KIAA1217: variants seen among roughly 807,000 people sequenced by gnomAD.
KIAA1217 encodes KIAA1217, also known as sickle tail protein homolog.
A neutral mutation model predicts 163.9 loss-of-function variants in KIAA1217; 88 were observed. That is an observed-to-expected ratio of 0.54 (90% CI 0.45 to 0.64). KIAA1217 has a LOEUF of 0.64. Ranked by LOEUF, KIAA1217 falls within the 30% of genes least tolerant of loss-of-function variation. The pLI, the probability that KIAA1217 is intolerant of heterozygous loss-of-function variation, is 0.00. For synonymous variants in KIAA1217, 903 were observed against 923.1 expected, an observed-to-expected ratio of 0.98 and a Z score of 0.39; for missense variants, 2,372 against 2,475.0, an observed-to-expected ratio of 0.96 and a Z score of 0.88.
intron 1 of KIAA1217, among the ~76,000 whole-genome samples, chr10:23,909,828 CA>C (rs1188605225): frequency 6.6e-6 from 1 of 152,128 alleles, no homozygotes; most frequent in Non-Finnish European, 1.5e-5. Context: ...ATTGCTGGGC[CA>C]AATGGTATTG....
intron 2 of KIAA1217, among the ~76,000 whole-genome samples, chr10:24,348,735 C>T (rs1025131336): frequency 1.2e-4 from 18 of 152,086 alleles, no homozygotes; most frequent in Admixed American, 2.0e-4. Flanking sequence ...ATTTTCACAC[C>T]CATCCCCCAA....
intron 2 of KIAA1217, among the ~76,000 whole-genome samples, chr10:24,177,379 A>ATATG (rs1424418370): frequency 3.5e-4 from 50 of 144,254 alleles, no homozygotes; most frequent in Admixed American, 2.5e-3. Flanking sequence ...ATATATATAT[A>ATATG]TGTGTGTGTC....
At chr10:24,332,641 C>T (rs1224716835) in intron 2 of KIAA1217, among the ~76,000 whole-genome samples, 1 of 152,010 alleles carries the variant, frequency 6.6e-6, no homozygotes, top group Admixed American at 6.5e-5. Flanking sequence ...TAATGCGTAT[C>T]CATAAGTCAC....
At chr10:23,958,100 G>T (rs1844649803) in intron 1 of KIAA1217, among the ~76,000 whole-genome samples, 1 of 152,156 alleles carries the variant, frequency 6.6e-6, no homozygotes, top group South Asian at 2.1e-4. Context: ...CCCTGTAGTG[G>T]GACTGATGAA....
intron 1 of KIAA1217, among the ~76,000 whole-genome samples, chr10:23,853,644 T>C (rs1839481313): frequency 6.6e-6 from 1 of 152,224 alleles, no homozygotes; most frequent in South Asian, 2.1e-4. Flanking sequence ...CATCTGGTCC[T>C]GGACTCTTTT....
intron 2 of KIAA1217, among the ~76,000 whole-genome samples, chr10:24,072,182 C>A (rs377468483): frequency 2.0e-5 from 3 of 152,170 alleles, no homozygotes; most frequent in African/African-American, 2.4e-5. Context: ...CATACCACCA[C>A]ACCCAGCTAA....
intron 1 of KIAA1217, among the ~76,000 whole-genome samples, chr10:24,214,735 C>A (rs1237298246): frequency 6.6e-6 from 1 of 152,196 alleles, no homozygotes; most frequent in Non-Finnish European, 1.5e-5. Context: ...AGCTTCTCAG[C>A]ACAATTGAGA....
chr10:24,339,622 A>T (rs892082547), intron 2 of KIAA1217, among the ~76,000 whole-genome samples: 4 of 152,220 alleles, frequency 2.6e-5, no homozygotes, highest in African/African-American at 9.6e-5. Flanking sequence ...TCCACACTTA[A>T]TTTCACAACT....
chr10:24,243,494 C>T (rs937521119), intron 2 of KIAA1217, among the ~76,000 whole-genome samples: 5 of 151,894 alleles, frequency 3.3e-5, no homozygotes, highest in South Asian at 2.1e-4. Context: ...GTTTAACTCC[C>T]GCTTAATAAG....
chr10:23,878,150 GA>G (rs1234524510), intron 1 of KIAA1217, among the ~76,000 whole-genome samples: 2 of 151,956 alleles, frequency 1.3e-5, no homozygotes, highest in Non-Finnish European at 2.9e-5. Flanking sequence ...GCGAGACGTT[GA>G]GTTAGATCAT....
At chr10:24,013,949 T>C (rs1231128936) in intron 2 of KIAA1217, among the ~76,000 whole-genome samples, 1 of 152,136 alleles carries the variant, frequency 6.6e-6, no homozygotes, top group African/African-American at 2.4e-5. Flanking sequence ...GTGGGATGTG[T>C]CACTGTCTGA....
chr10:24,285,169 A>G (rs1052445176), intron 2 of KIAA1217, among the ~76,000 whole-genome samples: 1 of 152,158 alleles, frequency 6.6e-6, no homozygotes, highest in Non-Finnish European at 1.5e-5. Context: ...ATTTTCTCTC[A>G]TTCTGTAGGT....
chr10:23,843,544 G>A (rs1348860463), intron 1 of KIAA1217, among the ~76,000 whole-genome samples: 3 of 151,986 alleles, frequency 2.0e-5, no homozygotes, highest in Non-Finnish European at 4.4e-5. Context: ...ACCATTTGAC[G>A]AGGACCTGTT....
intron 2 of KIAA1217, among the ~76,000 whole-genome samples, chr10:24,091,207 G>A (rs892544364): frequency 9.9e-5 from 15 of 151,774 alleles, no homozygotes; most frequent in Non-Finnish European, 1.6e-4. Context: ...ATAACAAAAC[G>A]AGGTTTTACA....
intron 1 of KIAA1217, among the ~76,000 whole-genome samples, chr10:23,896,115 C>A (rs1004120584): frequency 2.0e-5 from 3 of 150,654 alleles, no homozygotes; most frequent in East Asian, 3.9e-4. Context: ...CACATTGTGC[C>A]CATGTACCCT....
intron 2 of KIAA1217, among the ~76,000 whole-genome samples, chr10:24,199,232 A>G (rs990938301): frequency 3.3e-5 from 5 of 152,356 alleles, no homozygotes; most frequent in African/African-American, 1.2e-4. Flanking sequence ...ACCCTTTCTC[A>G]AAATAGAAAA....
chr10:23,790,755 A>G (rs1419606680), intron 1 of KIAA1217, among the ~76,000 whole-genome samples: 2 of 150,328 alleles, frequency 1.3e-5, no homozygotes, highest in African/African-American at 4.9e-5. Flanking sequence ...AAAATCTGAG[A>G]CAGGGTCTCC....
rs190318291 is a variant in KIAA1217, at chr10:24,063,430, G to C, written c.-171+56056G>C. Among the ~76,000 whole-genome samples, 254 of 152,244 alleles carry C rather than the reference G, an allele frequency of 1.7e-3. 5 individuals are homozygous for C. The East Asian group carries it at 0.031, about 19-fold the overall frequency. ...CCCATTTCTTCTTTTTGTCAGGTTT[G>C]TCAAAGATCAGATAGTTGTAGATGT... On this transcript the variant is annotated intron_variant, in intron 2 of 18. Transcript: ENST00000376462.
At chr10:23,979,567 C>T (rs1410382862) in intron 1 of KIAA1217, among the ~76,000 whole-genome samples, 3 of 152,044 alleles carry the variant, frequency 2.0e-5, no homozygotes, top group East Asian at 1.9e-4. Flanking sequence ...TAAAATAAAA[C>T]GTTGATACGG....
Sources: allele counts gnomAD v4.1 joint callset (sites outside exome capture counted in the v4.1 genomes callset), GRCh38; gene constraint gnomAD v4.1.1; transcripts MANE v1.5; gene names NCBI Gene and HGNC (gene_info 2026-07-23, HGNC 2026-07-21).